The following UTP14C variants were observed in gnomAD, a reference collection of about 807,000 sequenced individuals.
The protein encoded by UTP14C is U3 small nucleolar RNA-associated protein 14 homolog C.
UTP14C carries 10 observed loss-of-function variants against 14.6 expected under a neutral mutation model. The observed-to-expected ratio is 0.68, with a 90% CI of 0.42 to 1.16. The LOEUF (loss-of-function observed/expected upper bound fraction) is 1.16, where lower values mean the gene tolerates loss of function less well. UTP14C is among the 50% of genes most tolerant of loss of function. UTP14C has a pLI of 0.00. For synonymous variants in UTP14C, 315 were observed against 331.6 expected (o/e 0.95, Z 0.54); for missense variants, 818 against 890.8 (o/e 0.92, Z 1.04).
At position 52,029,113 on chromosome 13, in the gene UTP14C, A is replaced by T; in HGVS notation, c.309A>T (p.Lys103Asn). The T allele has an allele frequency of 1.2e-6, 2 of 1,614,234 alleles. No individual in the cohort carries two copies. The highest frequency in any genetic ancestry group is 1.7e-6 in the Non-Finnish European group (2 of 1,180,044). ...CTTCATCTTCTTTGGCCACTGTAAA[A>T]AAGCAACTGAATAGAGTCAAATCAA... ...VKTSSSLATV[K>N]KQLNRVKSKK... The change falls in exon 2 of 2, where the codon AAA becomes AAT. Residue 103 changes from lysine to asparagine, a missense_variant. Physicochemically the swap from Lys to Asn is moderately conservative, Grantham distance 94 (BLOSUM62 0). Transcript: ENST00000521776.
At position 52,024,896 on chromosome 13, in the gene UTP14C, C is replaced by T; in HGVS notation, c.-528C>T. 2 of 1,612,748 alleles carry T rather than the reference C, an allele frequency of 1.2e-6. No homozygotes were observed. The highest frequency in any genetic ancestry group is 1.3e-5 in the African/African-American group (1 of 75,066). On this transcript the variant is annotated 5_prime_UTR_variant, in exon 1 of 2. Transcript: ENST00000521776. ...TTAAAGAATTATTTGTCTGAAGCAA[C>T]AATTGGTCTGCATACCATGTGGAAC...
chr13:52,031,067 C>T lies in UTP14C; in HGVS notation c.2263C>T (p.Arg755Ter), dbSNP rs201468648. 8.7e-6 allele frequency: 14 copies of T among 1,613,856 alleles called. No homozygotes were observed. Among genetic ancestry groups the T allele is most frequent in the African/African-American group, 1.3e-5 (1 of 74,900 alleles). The change falls in exon 2 of 2, where the codon CGA becomes TGA. Residue 755 changes from arginine (R) to a stop codon, truncating the protein, a stop_gained. Transcript: ENST00000521776. LOFTEE classifies it high-confidence loss of function. ...DLPVIQRNPK[R>*]ITTRHNKEEK... ...GCCTGTCATACAGAGGAATCCAAAA[C>T]GAATCACCACACGTCACAATAAAGA...
At position 52,031,068 on chromosome 13, in the gene UTP14C, G is replaced by A. The variant is rs996771688; in HGVS notation, c.2264G>A (p.Arg755Gln). ...CCTGTCATACAGAGGAATCCAAAAC[G>A]AATCACCACACGTCACAATAAAGAA... ...DLPVIQRNPK[R>Q]ITTRHNKEEK... Residue 755 changes from arginine (R) to glutamine (Q), a missense_variant, in exon 2 of 2, where the codon CGA (arginine) becomes CAA (glutamine). Arg to Gln is a conservative substitution (Grantham distance 43, BLOSUM62 1). Coordinates refer to ENST00000521776, the MANE Select transcript of UTP14C (RefSeq NM_021645.6). 9.3e-6 allele frequency: 15 copies of A among 1,613,802 alleles called. No homozygotes were observed. Among genetic ancestry groups the A allele is most frequent in the Non-Finnish European group, 1.3e-5 (15 of 1,179,918 alleles).
intron 1 of UTP14C, among the ~76,000 whole-genome samples, chr13:52,025,178 T>A (rs2140841119): frequency 6.6e-6 from 1 of 152,332 alleles, no homozygotes; most frequent in Admixed American, 6.5e-5. Flanking sequence ...ATTATCTAAT[T>A]TAAGCCTTTC....
Position 52,028,393 on chromosome 13 carries a change from G to C in UTP14C, c.-412G>C, listed in dbSNP as rs1326925368. The C allele has an allele frequency of 3.7e-6, 6 of 1,614,034 alleles. No individual in the cohort carries two copies. The highest frequency in any genetic ancestry group is 5.1e-6 in the Non-Finnish European group (6 of 1,180,036). On this transcript the variant is annotated 5_prime_UTR_variant, in exon 2 of 2. Transcript: ENST00000521776. ...GGGGGGCCCAAAGCTTGACATTGTGGTTCCTCACGAAGGAGATATAACTGG... is the reference window on the plus strand; with the variant it reads ...GGGGGGCCCAAAGCTTGACATTGTGCTTCCTCACGAAGGAGATATAACTGG...
At position 52,024,717 on chromosome 13, in the gene UTP14C, G is replaced by A. The variant is rs921029114; in HGVS notation, c.-707G>A. On this transcript the variant is annotated 5_prime_UTR_variant, in exon 1 of 2. Transcript: ENST00000521776. ...CCTTTGCTAAATTGCTGAATAAGAAGATGGTTGAGTCACCTCCTTCGCTTA... is the reference window on the plus strand; with the variant it reads ...CCTTTGCTAAATTGCTGAATAAGAAAATGGTTGAGTCACCTCCTTCGCTTA... 9 of 1,614,110 alleles carry A rather than the reference G, an allele frequency of 5.6e-6. No homozygotes were observed. Among genetic ancestry groups the A allele is most frequent in the Admixed American group, 5.0e-5 (3 of 60,014 alleles).
chr13:52,031,261 A>G lies in UTP14C; in HGVS notation c.*156A>G. ...AAAGAAAATGGATGACCATTAATTG[A>G]CTAGCATTTTAGAATTGATCAGACA... is the stretch of plus-strand genomic sequence containing the variant. On this transcript the variant is annotated 3_prime_UTR_variant, in exon 2 of 2. Transcript: ENST00000521776. 1 of 1,128,366 alleles carries G rather than the reference A, an allele frequency of 8.9e-7. No homozygotes were observed. Among genetic ancestry groups the G allele is most frequent in the Non-Finnish European group, 1.2e-6 (1 of 811,956 alleles). The allele number at this position is 1,128,366 out of a possible 1,614,324, so 69.9% of individuals were successfully genotyped here. A position where few individuals can be genotyped will look rare whatever the true frequency, so the allele number is the denominator to read the frequency against.
Sources: allele counts gnomAD v4.1 joint callset (sites outside exome capture counted in the v4.1 genomes callset), GRCh38; gene constraint gnomAD v4.1.1; transcripts MANE v1.5; gene names NCBI Gene and HGNC (gene_info 2026-07-23, HGNC 2026-07-21).